LPAR1: variants seen among roughly 807,000 people sequenced by gnomAD.
LPAR1 encodes the protein lysophosphatidic acid receptor 1.
A neutral mutation model predicts 23.8 loss-of-function variants in LPAR1; 5 were observed. The observed-to-expected ratio is 0.21, with a 90% CI of 0.11 to 0.44. The LOEUF is 0.44. Ranked by LOEUF, LPAR1 falls within the 20% of genes least tolerant of loss-of-function variation. LPAR1 has a pLI of 0.99. For missense variants in LPAR1, 311 were observed against 482.8 expected, an observed-to-expected ratio of 0.64 and a Z score of 3.33; for synonymous variants, 160 against 164.7, an observed-to-expected ratio of 0.97 and a Z score of 0.22.
intron 2 of LPAR1, among the ~76,000 whole-genome samples, chr9:111,003,751 C>T (rs2097169299): frequency 6.6e-6 from 1 of 152,094 alleles, no homozygotes; most frequent in Admixed American, 6.5e-5. Flanking sequence ...AAAACCAAAC[C>T]ATTCTTTGTG....
At chr9:110,876,648 A>G (rs1425891194) in intron 5 of LPAR1, among the ~76,000 whole-genome samples, 1 of 152,346 alleles carries the variant, frequency 6.6e-6, no homozygotes, top group Non-Finnish European at 1.5e-5. Context: ...TTACATTTCT[A>G]TATCTTGAAA....
chr9:111,023,143 A>G (rs564919922), intron 2 of LPAR1, among the ~76,000 whole-genome samples: 1 of 151,606 alleles, frequency 6.6e-6, no homozygotes, highest in South Asian at 2.1e-4. Flanking sequence ...ACCAACACCC[A>G]TCTCCCCCAA....
At chr9:110,961,822 T>C (rs1711967313) in intron 4 of LPAR1, among the ~76,000 whole-genome samples, 1 of 151,932 alleles carries the variant, frequency 6.6e-6, no homozygotes, top group Non-Finnish European at 1.5e-5. Flanking sequence ...TTTACTATCA[T>C]GAGAACAGCA....
intron 2 of LPAR1, among the ~76,000 whole-genome samples, chr9:110,995,846 T>A (rs1321112904): frequency 6.6e-6 from 1 of 152,206 alleles, no homozygotes; most frequent in Non-Finnish European, 1.5e-5. Flanking sequence ...CTAACTTATG[T>A]GAGTGGTTAA....
intron 5 of LPAR1, among the ~76,000 whole-genome samples, chr9:110,902,847 G>A (rs969873983): frequency 2.0e-5 from 3 of 152,182 alleles, no homozygotes; most frequent in Admixed American, 6.5e-5. Flanking sequence ...ACCTCCATCA[G>A]AGGCATCATG....
chr9:110,952,628 T>G (rs1212620789), intron 4 of LPAR1, among the ~76,000 whole-genome samples: 3 of 152,184 alleles, frequency 2.0e-5, no homozygotes, highest in Non-Finnish European at 4.4e-5. Flanking sequence ...AAGGCTACTC[T>G]GCTTATAGCT....
At chr9:110,892,826 A>AAGGAAGGAAGGAAGGCAGGCAGGC (rs1334842271) in intron 5 of LPAR1, among the ~76,000 whole-genome samples, 3 of 65,454 alleles carry the variant, frequency 4.6e-5, no homozygotes, top group African/African-American at 2.4e-4. Context: ...GGAAGGAAGG[A>AAGGAAGGAAGGAAGGCAGGCAGGC]AGGCAGGCAG....
At chr9:110,968,241 A>G (rs1335620521) in intron 4 of LPAR1, among the ~76,000 whole-genome samples, 3 of 152,186 alleles carry the variant, frequency 2.0e-5, no homozygotes, top group Non-Finnish European at 4.4e-5. Context: ...CGATTTCTGC[A>G]GTATAACTAT....
At chr9:110,908,916 AT>A (rs2091906192) in intron 5 of LPAR1, among the ~76,000 whole-genome samples, 1 of 152,220 alleles carries the variant, frequency 6.6e-6, no homozygotes, top group Admixed American at 6.5e-5. Flanking sequence ...TTGGATAAAC[AT>A]AGAAATTGAC....
chr9:110,931,471 A>C (rs2094410717), intron 5 of LPAR1, among the ~76,000 whole-genome samples: 1 of 152,210 alleles, frequency 6.6e-6, no homozygotes, highest in Non-Finnish European at 1.5e-5. Flanking sequence ...TATTATTAAC[A>C]AGTTTGCAAA....
upstream of LPAR1, among the ~76,000 whole-genome samples, chr9:111,038,927 C>T (rs1588988253): frequency 6.6e-6 from 1 of 152,184 alleles, no homozygotes; most frequent in Non-Finnish European, 1.5e-5. The surrounding 1 kb of genome is among the most constrained non-coding windows in gnomAD (Gnocchi z 4.4). Context: ...GGCATTTTCA[C>T]GTTGTCGCTC....
At chr9:110,976,447 G>A (rs1254316157) in intron 2 of LPAR1, among the ~76,000 whole-genome samples, 2 of 152,174 alleles carry the variant, frequency 1.3e-5, no homozygotes, top group African/African-American at 4.8e-5. Flanking sequence ...AGAAGTTGCA[G>A]TGAGCCGAGA....
At chr9:111,029,273 C>A (rs1182998243) in intron 2 of LPAR1, among the ~76,000 whole-genome samples, 1 of 152,154 alleles carries the variant, frequency 6.6e-6, no homozygotes, top group Non-Finnish European at 1.5e-5. Context: ...TGCCAGCCAC[C>A]AGCTGAAAAT....
chr9:110,952,935 A>C (rs1468054062), intron 4 of LPAR1, among the ~76,000 whole-genome samples: 2 of 152,148 alleles, frequency 1.3e-5, no homozygotes, highest in Non-Finnish European at 1.5e-5. Context: ...GCACCTGAGC[A>C]CACTTCCTGG....
At chr9:110,892,996 T>C (rs1408600679) in intron 5 of LPAR1, among the ~76,000 whole-genome samples, 1 of 152,142 alleles carries the variant, frequency 6.6e-6, no homozygotes, top group African/African-American at 2.4e-5. Flanking sequence ...AGGGATGAAA[T>C]GTTAGCAAGC....
At chr9:110,955,721 A>AAG (rs1441546089) in intron 4 of LPAR1, among the ~76,000 whole-genome samples, 1 of 151,920 alleles carries the variant, frequency 6.6e-6, no homozygotes, top group African/African-American at 2.4e-5. Flanking sequence ...ACAATAGAAA[A>AAG]AAAAAAACAC....
chr9:110,964,792 C>T (rs563105709), intron 4 of LPAR1, among the ~76,000 whole-genome samples: 261 of 149,782 alleles, frequency 1.7e-3, no homozygotes, highest in African/African-American at 6.3e-3. Flanking sequence ...TTGAGAGTAC[C>T]TATTGGTAAG....
chr9:110,981,215 T>C (rs935607483), intron 2 of LPAR1, among the ~76,000 whole-genome samples: 1 of 152,104 alleles, frequency 6.6e-6, no homozygotes, highest in Non-Finnish European at 1.5e-5. Context: ...ATAAAGCACA[T>C]ACATTTCTTT....
intron 5 of LPAR1, among the ~76,000 whole-genome samples, chr9:110,908,145 A>G (rs1167470936): frequency 6.6e-6 from 1 of 151,740 alleles, no homozygotes; most frequent in Non-Finnish European, 1.5e-5. Context: ...TGCATATTTT[A>G]GGAACATTTT....
Sources: gnomAD v4.1 joint callset for allele counts (sites outside exome capture counted in the v4.1 genomes callset) on GRCh38, gnomAD v4.1.1 for gene constraint, Gnocchi (gnomAD v3.1) non-coding constraint, MANE v1.5 for transcripts, NCBI Gene and HGNC (gene_info 2026-07-23, HGNC 2026-07-21) for gene names.